Variants in SLC38A1 observed in about 807,000 individuals in gnomAD.
SLC38A1 encodes the protein solute carrier family 38 member 1.
Under a neutral mutation model 60.3 loss-of-function variants are expected in SLC38A1, and 18 were observed. That is an observed-to-expected ratio of 0.30 (90% confidence interval 0.21 to 0.44). The LOEUF (loss-of-function observed/expected upper bound fraction) is 0.44, where lower values mean the gene tolerates loss of function less well. Ranked by LOEUF, SLC38A1 falls within the 20% of genes least tolerant of loss-of-function variation. The pLI is 1.00. For synonymous variants in SLC38A1, 196 were observed against 212.1 expected, an observed-to-expected ratio of 0.92 and a Z score of 0.66; for missense variants, 448 against 587.2, an observed-to-expected ratio of 0.76 and a Z score of 2.45.
intron 1 of SLC38A1, among the ~76,000 whole-genome samples, chr12:46,257,345 T>A (rs1942064472): frequency 6.6e-6 from 1 of 152,216 alleles, no homozygotes; most frequent in Admixed American, 6.5e-5. Flanking sequence ...TCTAACCCCC[T>A]AAATCTTGGA....
At chr12:46,248,726 C>G (rs542165806) in intron 1 of SLC38A1, among the ~76,000 whole-genome samples, 1 of 152,332 alleles carries the variant, frequency 6.6e-6, no homozygotes, top group South Asian at 2.1e-4. Context: ...ACATTCTTCT[C>G]AGCACTACAT....
At chr12:46,194,150 A>G (rs1939264875) in intron 16 of SLC38A1, among the ~76,000 whole-genome samples, 1 of 152,146 alleles carries the variant, frequency 6.6e-6, no homozygotes, top group Admixed American at 6.5e-5. Flanking sequence ...ATCTCTCAGC[A>G]TTTGCTTGTC....
At chr12:46,235,213 A>T (rs1286626865) in intron 3 of SLC38A1, among the ~76,000 whole-genome samples, 2 of 152,262 alleles carry the variant, frequency 1.3e-5, no homozygotes, top group African/African-American at 4.8e-5. Context: ...CCAGAAACAA[A>T]TCAACAGTAA....
intron 11 of SLC38A1, 92 bp from the exon 12 acceptor site, chr12:46,203,181 C>T (rs535644529): frequency 7.2e-4 from 725 of 1,008,548 alleles, no homozygotes; most frequent in Non-Finnish European, 9.4e-4. Context: ...TTTTATCTGA[C>T]AGCTCTTCAG....
intron 1 of SLC38A1, among the ~76,000 whole-genome samples, chr12:46,250,386 A>T (rs1321395559): frequency 6.6e-6 from 1 of 152,170 alleles, no homozygotes; most frequent in Non-Finnish European, 1.5e-5. Context: ...ATATCATACC[A>T]AATGGGCACA....
At chr12:46,264,537 T>A (rs1942294511) in intron 1 of SLC38A1, among the ~76,000 whole-genome samples, 1 of 152,240 alleles carries the variant, frequency 6.6e-6, no homozygotes, top group Non-Finnish European at 1.5e-5. Flanking sequence ...ACAATATTTT[T>A]AAATTTAAAA....
At chr12:46,207,307 T>C in intron 7 of SLC38A1, 71 bp from the exon 8 acceptor site, 8 of 1,364,078 alleles carry the variant, frequency 5.9e-6, no homozygotes, top group Non-Finnish European at 8.3e-6. Flanking sequence ...TAAAAAGTTA[T>C]CAGCCCGTTC....
At chr12:46,205,996 C>T (rs1400956335) in intron 9 of SLC38A1, 84 bp downstream of exon 9, 9 of 763,202 alleles carry the variant, frequency 1.2e-5, no homozygotes, top group Non-Finnish European at 1.8e-5. Flanking sequence ...AGAGGGGAAG[C>T]AGAGGGCAAC....
chr12:46,196,284 A>G, intron 16 of SLC38A1: 2 of 1,535,712 alleles, frequency 1.3e-6, no homozygotes, highest in Non-Finnish European at 1.7e-6. Flanking sequence ...GAGCTAAGGA[A>G]GGAGAGGAGC....
chr12:46,208,864 T>A (rs1940025333), intron 6 of SLC38A1, among the ~76,000 whole-genome samples, 190 bp downstream of exon 6: 1 of 152,224 alleles, frequency 6.6e-6, no homozygotes, highest in African/African-American at 2.4e-5. Flanking sequence ...CCATGACAAT[T>A]TAATTTATAT....
intron 1 of SLC38A1, among the ~76,000 whole-genome samples, chr12:46,244,982 C>T (rs1205250213): frequency 6.6e-6 from 1 of 152,094 alleles, no homozygotes; most frequent in Non-Finnish European, 1.5e-5. Flanking sequence ...CAATTCAGGC[C>T]TGTCTTGTTA....
intron 5 of SLC38A1, among the ~76,000 whole-genome samples, chr12:46,211,854 C>G (rs749932558): frequency 6.6e-6 from 1 of 152,174 alleles, no homozygotes; most frequent in Non-Finnish European, 1.5e-5. Flanking sequence ...TCTTCTTAGT[C>G]CTTTCCCAAA....
In SLC38A1 at chr12:46,188,072, G is replaced by T. The variant is rs1395499457; in HGVS notation, c.*898C>A. On this transcript the variant is annotated 3_prime_UTR_variant, in exon 17 of 17. Coordinates refer to ENST00000398637, the MANE Select transcript of SLC38A1 (RefSeq NM_030674.4). ...ACATTTTTCTCCCTTCAGCAAGACA[G>T]GTAGGGTTGAAGGCTAAATGCATCA... 3 of 152,142 alleles carry T rather than the reference G, an allele frequency of 2.0e-5. No homozygotes were observed. The highest frequency in any genetic ancestry group is 6.5e-5 in the Admixed American group (1 of 15,268). 9.4% of individuals were successfully genotyped at this position (152,142 alleles called of 1,614,324 possible). A position where few individuals can be genotyped will look rare whatever the true frequency, so the allele number is the denominator to read the frequency against.
At chr12:46,229,091 A>G (rs1940971636) in intron 5 of SLC38A1, 62 bp downstream of exon 5, 3 of 915,128 alleles carry the variant, frequency 3.3e-6, no homozygotes, top group Non-Finnish European at 5.1e-6. Flanking sequence ...CTTCTATGTA[A>G]TAACAGAAAC....
intron 16 of SLC38A1, among the ~76,000 whole-genome samples, chr12:46,193,564 C>G (rs537012428): frequency 7.2e-4 from 109 of 152,264 alleles, no homozygotes; most frequent in African/African-American, 2.5e-3. Context: ...GTGTGGGAGT[C>G]TAAGTCTCTT....
intron 1 of SLC38A1, among the ~76,000 whole-genome samples, chr12:46,258,830 T>C (rs991148644): frequency 1.3e-5 from 2 of 152,172 alleles, no homozygotes; most frequent in African/African-American, 4.8e-5. Context: ...ATTTTTATAT[T>C]TTCAGTGGAG....
At position 46,240,164 on chromosome 12, in the gene SLC38A1, G is replaced by A. The variant is rs185412335; in HGVS notation, c.-93-271C>T. On this transcript the variant is annotated intron_variant, in intron 2 of 16. Transcript: ENST00000398637. Reference sequence around the variant, plus strand: ...TATAAGAATATCATGTTAGCTGTAGGTAACAGAGACCCCCTTTTATGATAT... The same window carrying A: ...TATAAGAATATCATGTTAGCTGTAGATAACAGAGACCCCCTTTTATGATAT... Among the ~76,000 whole-genome samples the A allele has an allele frequency of 7.2e-5, 11 of 152,228 alleles. No homozygotes were observed. In the East Asian group the frequency reaches 2.1e-3, roughly 29 times the overall value.
intron 5 of SLC38A1, among the ~76,000 whole-genome samples, chr12:46,215,887 C>T (rs556350679): frequency 6.6e-6 from 1 of 152,236 alleles, no homozygotes; most frequent in African/African-American, 2.4e-5. Context: ...ATTACTAGTC[C>T]TCCTTTGATC....
chr12:46,206,391 T>C (rs1008135935), intron 8 of SLC38A1, among the ~76,000 whole-genome samples: 5 of 151,936 alleles, frequency 3.3e-5, no homozygotes, highest in Non-Finnish European at 5.9e-5. Flanking sequence ...TTTTTTTTTT[T>C]CCCATTGGCT....
Sources: gnomAD v4.1 joint callset for allele counts (sites outside exome capture counted in the v4.1 genomes callset) on GRCh38, gnomAD v4.1.1 for gene constraint, MANE v1.5 for transcripts, NCBI Gene and HGNC (gene_info 2026-07-23, HGNC 2026-07-21) for gene names.